Variants in LINGO1 observed in about 807,000 individuals in gnomAD.
The protein encoded by LINGO1 is leucine rich repeat and Ig domain containing 1, also known as leucine-rich repeat and immunoglobulin-like domain-containing nogo receptor-interacting protein 1.
A neutral mutation model predicts 37.3 loss-of-function variants in LINGO1; 11 were observed. That is an observed-to-expected ratio of 0.29 (90% confidence interval 0.19 to 0.49). The LOEUF (loss-of-function observed/expected upper bound fraction) is 0.49, where lower values mean the gene tolerates loss of function less well. Among genes scored for constraint, LINGO1 ranks in the 20% least tolerant of loss-of-function variants. The probability of loss-of-function intolerance (pLI) is 0.99; values close to 1 mark genes in which losing one functional copy is unlikely to be tolerated. For missense variants in LINGO1, 585 were observed against 878.2 expected, an observed-to-expected ratio of 0.67 and a Z score of 4.22; for synonymous variants, 387 against 403.0, an observed-to-expected ratio of 0.96 and a Z score of 0.48.
At chr15:77,813,882 C>T (rs1475791356) in intron 1 of LINGO1, among the ~76,000 whole-genome samples, 2 of 152,208 alleles carry the variant, frequency 1.3e-5, no homozygotes, top group South Asian at 2.1e-4. Context: ...CAGGGCCCAG[C>T]GCCCTCCCCA....
chr15:77,641,854 T>C lies in LINGO1; in HGVS notation c.-12-25954A>G, dbSNP rs550234671. Reference sequence around the variant, plus strand: ...AGGATGTCAGAGGTCCTGCCCAGCCTGATAGGCTGAGGCCAGCTGGGATGC... The same window carrying C: ...AGGATGTCAGAGGTCCTGCCCAGCCCGATAGGCTGAGGCCAGCTGGGATGC... On this transcript the variant is annotated intron_variant, in intron 3 of 3. Transcript: ENST00000559893. 56 of 456,514 alleles carry C rather than the reference T, an allele frequency of 1.2e-4. 1 individual carries two copies. The highest frequency in any genetic ancestry group is 8.7e-4 in the South Asian group (56 of 64,554). 28.3% of individuals were successfully genotyped at this position (456,514 alleles called of 1,614,324 possible). A position where few individuals can be genotyped will look rare whatever the true frequency, so the allele number is the denominator to read the frequency against.
At chr15:77,721,344 C>T (rs1379957562) in intron 2 of LINGO1, among the ~76,000 whole-genome samples, 1 of 152,100 alleles carries the variant, frequency 6.6e-6, no homozygotes, top group Non-Finnish European at 1.5e-5. Flanking sequence ...TGCCCCTCTT[C>T]CCCCAGCCAC....
At chr15:77,759,232 C>T (rs2076450588) in intron 1 of LINGO1, among the ~76,000 whole-genome samples, 1 of 152,244 alleles carries the variant, frequency 6.6e-6, no homozygotes, top group Non-Finnish European at 1.5e-5. Context: ...CCTTCCTTCA[C>T]TGGCCTCTGG....
intron 1 of LINGO1, among the ~76,000 whole-genome samples, chr15:77,622,937 G>A (rs1049793821): frequency 3.3e-5 from 5 of 152,174 alleles, no homozygotes; most frequent in Non-Finnish European, 2.9e-5. Flanking sequence ...TGCCCACACT[G>A]CTTCTGGGCT....
At chr15:77,699,649 C>CCCCGCACACAGTAAGCACAGTAAG (rs2141270141), upstream of LINGO1, among the ~76,000 whole-genome samples, 1 of 149,070 alleles carries the variant, frequency 6.7e-6, no homozygotes, top group Non-Finnish European at 1.5e-5. Context: ...TAACCATCAT[C>CCCCGCACACAGTAAGCACAGTAAG]TGCATACAGT....
At chr15:77,616,579 AC>A (rs1193143521) in intron 1 of LINGO1, among the ~76,000 whole-genome samples, 1 of 151,876 alleles carries the variant, frequency 6.6e-6, no homozygotes, top group African/African-American at 2.4e-5. Flanking sequence ...TTGCTGGGGG[AC>A]ACCCTCATCC....
chr15:77,780,456 G>T (rs2076704615), intron 1 of LINGO1, among the ~76,000 whole-genome samples: 1 of 152,104 alleles, frequency 6.6e-6, no homozygotes, highest in Non-Finnish European at 1.5e-5. Flanking sequence ...AGCAGCTCAA[G>T]CTACAGTGTC....
At chr15:77,815,993 A>G (rs2141487086) in intron 1 of LINGO1, among the ~76,000 whole-genome samples, 1 of 152,262 alleles carries the variant, frequency 6.6e-6, no homozygotes, top group Non-Finnish European at 1.5e-5. Flanking sequence ...CCATCTTCCT[A>G]GAAAGCCCCC....
intron 3 of LINGO1, among the ~76,000 whole-genome samples, chr15:77,675,711 T>C (rs1277436811): frequency 1.3e-5 from 2 of 152,036 alleles, no homozygotes; most frequent in African/African-American, 2.4e-5. Flanking sequence ...AATAGATAGA[T>C]AGATACATAC....
intron 1 of LINGO1, among the ~76,000 whole-genome samples, chr15:77,742,381 C>T (rs924822454): frequency 2.0e-5 from 3 of 152,226 alleles, no homozygotes; most frequent in Non-Finnish European, 4.4e-5. Context: ...ACTTCCTGAG[C>T]ACTTCCAGGT....
At chr15:77,742,253 T>G (rs1181938603) in intron 1 of LINGO1, among the ~76,000 whole-genome samples, 1 of 152,226 alleles carries the variant, frequency 6.6e-6, no homozygotes, top group Non-Finnish European at 1.5e-5. Context: ...AGGCCCAGGC[T>G]GGCCCCCACC....
upstream of LINGO1, among the ~76,000 whole-genome samples, chr15:77,637,764 G>A (rs528248149): frequency 2.0e-5 from 3 of 152,214 alleles, no homozygotes; most frequent in South Asian, 2.1e-4. The surrounding 1 kb of genome is among the most constrained non-coding windows in gnomAD (Gnocchi z 4.6). Flanking sequence ...ATTCTCTGTC[G>A]CCTGAGAATC....
chr15:77,812,761 C>T (rs971400068), intron 1 of LINGO1, among the ~76,000 whole-genome samples: 3 of 152,214 alleles, frequency 2.0e-5, no homozygotes, highest in African/African-American at 7.2e-5. Flanking sequence ...TGCTGAGTGC[C>T]GTGCAATTCA....
chr15:77,692,579 G>A (rs531422927), intron 1 of LINGO1, among the ~76,000 whole-genome samples: 54 of 152,308 alleles, frequency 3.5e-4, no homozygotes, highest in Admixed American at 3.1e-3. Flanking sequence ...GGATGCATCC[G>A]AGAGACCTCG....
At chr15:77,639,205 G>T (rs540676665), upstream of LINGO1, among the ~76,000 whole-genome samples, 46 of 152,180 alleles carry the variant, frequency 3.0e-4, no homozygotes, top group Middle Eastern at 6.8e-3. Context: ...CTGAGCTAGA[G>T]GTACCCAGCT....
chr15:77,639,346 A>G (rs1181749429), upstream of LINGO1, among the ~76,000 whole-genome samples: 2 of 152,110 alleles, frequency 1.3e-5, no homozygotes, highest in Non-Finnish European at 2.9e-5. Flanking sequence ...TAAAATGGGT[A>G]TAGTAACTCC....
In LINGO1 at chr15:77,665,151, A is replaced by C. The variant is rs547095272; in HGVS notation, c.-13+11938T>G. Among the ~76,000 whole-genome samples, 9 of 152,252 alleles carry C rather than the reference A, an allele frequency of 5.9e-5. No homozygotes were observed. The South Asian group carries it at 1.7e-3, about 28-fold the overall frequency. On this transcript the variant is annotated intron_variant, in intron 3 of 3. Transcript: ENST00000559893. ...ATTTTCCCCAGAGACTGTCCACAGG[A>C]TGTTCAAGCCAAATCCTCGAAAAGC...
chr15:77,789,695 C>G (rs1034110950), upstream of LINGO1, among the ~76,000 whole-genome samples: 28 of 152,180 alleles, frequency 1.8e-4, no homozygotes, highest in Non-Finnish European at 3.8e-4. Flanking sequence ...GGGTAGCCAT[C>G]TACAAGCCAA....
chr15:77,804,407 G>T (rs2076942962), intron 1 of LINGO1, among the ~76,000 whole-genome samples: 1 of 152,216 alleles, frequency 6.6e-6, no homozygotes, highest in African/African-American at 2.4e-5. Context: ...GTCCCTAGAA[G>T]TAGATGGCCA....
Sources: allele counts gnomAD v4.1 joint callset (sites outside exome capture counted in the v4.1 genomes callset), GRCh38; gene constraint gnomAD v4.1.1; non-coding constraint Gnocchi (gnomAD v3.1); transcripts MANE v1.5; gene names NCBI Gene and HGNC (gene_info 2026-07-23, HGNC 2026-07-21).